TENM3: variants seen among roughly 807,000 people sequenced by gnomAD.
TENM3 encodes the protein teneurin transmembrane protein 3.
Under a neutral mutation model 255.1 loss-of-function variants are expected in TENM3, and 63 were observed. The observed-to-expected ratio is 0.25, with a 90% CI of 0.20 to 0.30. The LOEUF (loss-of-function observed/expected upper bound fraction) is 0.30, where lower values mean the gene tolerates loss of function less well. Ranked by LOEUF, TENM3 falls within the 10% of genes least tolerant of loss-of-function variation. The probability of loss-of-function intolerance (pLI) is 1.00; values close to 1 mark genes in which losing one functional copy is unlikely to be tolerated. For synonymous variants in TENM3, 1,306 were observed against 1,322.3 expected, an observed-to-expected ratio of 0.99 and a Z score of 0.27; for missense variants, 2,929 against 3,461.1, an observed-to-expected ratio of 0.85 and a Z score of 3.86.
intron 3 of TENM3, among the ~76,000 whole-genome samples, chr4:182,481,522 C>T (rs1405651306): frequency 1.3e-5 from 2 of 152,092 alleles, no homozygotes; most frequent in Non-Finnish European, 2.9e-5. Context: ...AGGCCGGGCA[C>T]GGTGGCTCAC....
intron 26 of TENM3, among the ~76,000 whole-genome samples, 198 bp downstream of exon 26, chr4:182,794,083 T>C (rs1210214896): frequency 6.6e-6 from 1 of 152,210 alleles, no homozygotes; most frequent in Non-Finnish European, 1.5e-5. Context: ...TTACTTCCTA[T>C]TCTGCCTGCC....
chr4:182,750,694 G>A (rs191581315), intron 19 of TENM3, among the ~76,000 whole-genome samples: 3 of 149,866 alleles, frequency 2.0e-5, no homozygotes, highest in Non-Finnish European at 4.5e-5. Flanking sequence ...GCATGTAACT[G>A]TGTGTGTGTG....
chr4:182,276,484 A>G (rs1338618816), intron 1 of TENM3, among the ~76,000 whole-genome samples: 1 of 152,214 alleles, frequency 6.6e-6, no homozygotes, highest in Non-Finnish European at 1.5e-5. Context: ...TCGAATGCGA[A>G]CCTGTCTCCA....
In TENM3 at chr4:182,754,277, G is replaced by A; in HGVS notation, c.4018-108G>A. On this transcript the variant is annotated intron_variant, in intron 21 of 27. Coordinates refer to ENST00000511685, the MANE Select transcript of TENM3 (RefSeq NM_001080477.4). The surrounding 1 kb of genome is among the most constrained non-coding windows in gnomAD (Gnocchi z 5.1). ...CTATTGAAAAAACTATTATCAGACA[G>A]TTTATCTCAGATTAATGCCAATTTC... 8.4e-7 allele frequency: 1 copy of A among 1,193,638 alleles called. No homozygotes were observed. Among genetic ancestry groups the A allele is most frequent in the Non-Finnish European group, 1.1e-6 (1 of 872,008 alleles). The allele number at this position is 1,193,638 out of a possible 1,614,324, so 73.9% of individuals were successfully genotyped here. A position where few individuals can be genotyped will look rare whatever the true frequency, so the allele number is the denominator to read the frequency against.
intron 1 of TENM3, among the ~76,000 whole-genome samples, chr4:182,251,343 C>G (rs1352397730): frequency 6.6e-6 from 1 of 151,942 alleles, no homozygotes; most frequent in African/African-American, 2.4e-5. Flanking sequence ...TGGCATGTGC[C>G]CGTAGTCCTG....
the TENM3 span, among the ~76,000 whole-genome samples, chr4:181,546,618 G>A: frequency 7.0e-6 from 1 of 142,182 alleles, no homozygotes; most frequent in Non-Finnish European, 1.5e-5. Flanking sequence ...GGAGGCTGAG[G>A]CAGGAGAATG....
intron 1 of TENM3, among the ~76,000 whole-genome samples, chr4:182,214,042 T>TC (rs1287904687): frequency 6.6e-6 from 1 of 151,982 alleles, no homozygotes; most frequent in Non-Finnish European, 1.5e-5. Context: ...GACCTTGTGA[T>TC]CCCCCCGCTG....
chr4:182,336,563 C>A (rs1313853601), intron 2 of TENM3, among the ~76,000 whole-genome samples: 1 of 152,194 alleles, frequency 6.6e-6, no homozygotes, highest in African/African-American at 2.4e-5. Context: ...TTCGGAACTG[C>A]AGCAGGTTGG....
chr4:182,720,956 C>T (rs540774592), intron 13 of TENM3, among the ~76,000 whole-genome samples: 23 of 151,970 alleles, frequency 1.5e-4, no homozygotes, highest in Middle Eastern at 3.4e-3. Context: ...TTAGTAGAGA[C>T]GAGATTTCAC....
chr4:181,801,852 G>C, the TENM3 span, among the ~76,000 whole-genome samples: 1 of 151,716 alleles, frequency 6.6e-6, no homozygotes, highest in East Asian at 1.9e-4. Flanking sequence ...CTTATAACTT[G>C]ATGCAACTAA....
intron 1 of TENM3, among the ~76,000 whole-genome samples, chr4:182,251,859 T>G (rs780309579): frequency 3.1e-4 from 47 of 152,324 alleles, no homozygotes; most frequent in Middle Eastern, 3.4e-3. Context: ...TTCATTTCAA[T>G]ATGTTACTTT....
the TENM3 span, among the ~76,000 whole-genome samples, chr4:181,482,422 T>C: frequency 1.3e-5 from 2 of 152,132 alleles, no homozygotes; most frequent in East Asian, 1.9e-4. Flanking sequence ...TACACACTTA[T>C]TTTGCTCATT....
chr4:182,650,881 T>TAAAAAAAA (rs1230977965), intron 5 of TENM3, among the ~76,000 whole-genome samples: 11 of 60,228 alleles, frequency 1.8e-4, no homozygotes, highest in South Asian at 6.1e-4. Flanking sequence ...TTTTCTGTAA[T>TAAAAAAAA]AAAAAAAAAT....
chr4:182,022,971 A>C, the TENM3 span, among the ~76,000 whole-genome samples: 1 of 152,240 alleles, frequency 6.6e-6, no homozygotes, highest in South Asian at 2.1e-4. Flanking sequence ...TTCAAATATA[A>C]AAGCTTGCCC....
chr4:181,529,718 C>T, the TENM3 span, among the ~76,000 whole-genome samples: 1 of 152,306 alleles, frequency 6.6e-6, no homozygotes, highest in East Asian at 1.9e-4. Flanking sequence ...ACTCATTGGC[C>T]ACTTTAGCCT....
intron 4 of TENM3, among the ~76,000 whole-genome samples, chr4:182,613,245 T>C (rs1397598809): frequency 6.6e-6 from 1 of 152,194 alleles, no homozygotes; most frequent in East Asian, 1.9e-4. Flanking sequence ...ATAGGTGTAA[T>C]TGATATATGA....
At chr4:181,960,779 G>A in the TENM3 span, among the ~76,000 whole-genome samples, 1 of 152,144 alleles carries the variant, frequency 6.6e-6, no homozygotes, top group African/African-American at 2.4e-5. Flanking sequence ...TAGAACAGAA[G>A]TATGGTAAAT....
intron 1 of TENM3, among the ~76,000 whole-genome samples, chr4:182,258,358 CTT>C (rs1252416899): frequency 1.3e-5 from 2 of 152,108 alleles, no homozygotes; most frequent in African/African-American, 2.4e-5. Context: ...CAATTAATAA[CTT>C]ATATCCAAAG....
chr4:182,027,181 G>GATGGCTATTGTAA, the TENM3 span, among the ~76,000 whole-genome samples: 1 of 151,864 alleles, frequency 6.6e-6, no homozygotes, highest in Non-Finnish European at 1.5e-5. Flanking sequence ...TAATTTTATT[G>GATGGCTATTGTAA]ATGGCTATTG....
Sources: allele counts gnomAD v4.1 joint callset (sites outside exome capture counted in the v4.1 genomes callset), GRCh38; gene constraint gnomAD v4.1.1; non-coding constraint Gnocchi (gnomAD v3.1); transcripts MANE v1.5; gene names NCBI Gene and HGNC (gene_info 2026-07-23, HGNC 2026-07-21).